SART3: variants seen among roughly 807,000 people sequenced by gnomAD.
SART3 encodes spliceosome associated factor 3, U4/U6 recycling protein.
SART3 carries 44 observed loss-of-function variants against 122.3 expected under a neutral mutation model. The ratio of observed to expected loss-of-function variants is 0.36; its 90% CI spans 0.28 to 0.46. The LOEUF (loss-of-function observed/expected upper bound fraction) is 0.46. SART3 is among the 20% of genes least tolerant of loss of function. SART3 has a pLI of 1.00. For synonymous variants in SART3, 442 were observed against 454.0 expected (o/e 0.97, Z 0.34); for missense variants, 1,101 against 1,229.0 (o/e 0.90, Z 1.56).
chr12:108,550,466 G>A (rs1221124456), intron 1 of SART3, among the ~76,000 whole-genome samples: 2 of 152,186 alleles, frequency 1.3e-5, no homozygotes, highest in Non-Finnish European at 2.9e-5. Flanking sequence ...CTTCATTCAA[G>A]TGGTAAAACA....
At chr12:108,540,065 G>A (rs1323640644) in intron 6 of SART3, among the ~76,000 whole-genome samples, 1 of 152,086 alleles carries the variant, frequency 6.6e-6, no homozygotes, top group Non-Finnish European at 1.5e-5. Context: ...TAGAAAAAAA[G>A]AGTCAAGAAG....
chr12:108,537,623 T>C, intron 8 of SART3, 28 bp from the exon 9 acceptor site: 1 of 1,566,212 alleles, frequency 6.4e-7, no homozygotes, highest in Non-Finnish European at 8.8e-7. Flanking sequence ...TCAGGATTTG[T>C]TACCAATTCA....
At chr12:108,536,417 C>G in intron 11 of SART3, 97 bp downstream of exon 11, 1 of 1,181,756 alleles carries the variant, frequency 8.5e-7, no homozygotes, top group Non-Finnish European at 1.3e-6. Flanking sequence ...AGAGCTTAGG[C>G]CATTATCTGG....
At chr12:108,543,478 T>C (rs1592767760) in intron 5 of SART3, among the ~76,000 whole-genome samples, 2 of 152,226 alleles carry the variant, frequency 1.3e-5, no homozygotes. Flanking sequence ...AGGTAGTCTA[T>C]TGTGATCCTC....
At chr12:108,532,624 C>T (rs552083620) in intron 12 of SART3, 19 of 381,842 alleles carry the variant, frequency 5.0e-5, no homozygotes, top group African/African-American at 1.7e-4. Flanking sequence ...TTCACATGTG[C>T]GGCACATGGC....
Position 108,543,000 on chromosome 12 carries a change from G to A in SART3, c.906+28C>T, listed in dbSNP as rs751322025. On this transcript the variant is annotated intron_variant, in intron 6 of 18. Coordinates refer to ENST00000546815, the MANE Select transcript of SART3 (RefSeq NM_014706.4). ...ATCAGGGAAAGGTTTGTAGAGAGACGTTTACTATAAAAGAAGCCAACACTT... is the reference window on the plus strand; with the variant it reads ...ATCAGGGAAAGGTTTGTAGAGAGACATTTACTATAAAAGAAGCCAACACTT... 4.5e-5 allele frequency: 72 copies of A among 1,613,930 alleles called. No homozygotes were observed. In the East Asian group the frequency reaches 1.3e-3, roughly 29 times the overall value.
At chr12:108,528,073 C>A (rs1310341168) in intron 15 of SART3, among the ~76,000 whole-genome samples, 5 of 152,256 alleles carry the variant, frequency 3.3e-5, no homozygotes, top group African/African-American at 1.2e-4. Context: ...CCACCAGAGA[C>A]AATTCTTTAC....
intron 17 of SART3, chr12:108,524,785 G>GA (rs1446560836): frequency 1.5e-5 from 8 of 516,484 alleles, no homozygotes; most frequent in Non-Finnish European, 2.8e-5. Context: ...AAGAAAGAAG[G>GA]AAAAAGACAG....
intron 14 of SART3, 34 bp downstream of exon 14, chr12:108,531,170 C>T (rs1803536357): frequency 6.3e-7 from 1 of 1,575,352 alleles, no homozygotes; most frequent in Admixed American, 1.7e-5. Context: ...AAATAGCTAC[C>T]AGAGGTGCCA....
chr12:108,530,104 A>T (rs753059240), intron 15 of SART3, 38 bp downstream of exon 15: 3 of 1,611,858 alleles, frequency 1.9e-6, no homozygotes, highest in Non-Finnish European at 2.5e-6. Flanking sequence ...CTCTAACTTT[A>T]AGACGTTTCA....
chr12:108,528,182 C>T (rs1017585266), intron 15 of SART3, among the ~76,000 whole-genome samples: 3 of 152,160 alleles, frequency 2.0e-5, no homozygotes, highest in African/African-American at 7.2e-5. Flanking sequence ...TAAGTCAGAA[C>T]CATTAAAAGC....
Position 108,543,016 on chromosome 12 carries a change from G to GC in SART3, c.906+11dup. The GC allele has an allele frequency of 6.2e-7, 1 of 1,614,184 alleles. No individual in the cohort carries two copies. Among genetic ancestry groups the GC allele is most frequent in the Non-Finnish European group, 8.5e-7 (1 of 1,180,022 alleles). ...TAGAGAGACGTTTACTATAAAAGAA[G>GC]CCAACACTTACCAGTGCTTCTTCAT... is the stretch of plus-strand genomic sequence containing the variant. On this transcript the variant is annotated intron_variant, in intron 6 of 18. Transcript: ENST00000546815.
chr12:108,553,710 A>G (rs1047534865), intron 1 of SART3, among the ~76,000 whole-genome samples: 12 of 152,258 alleles, frequency 7.9e-5, no homozygotes, highest in African/African-American at 2.7e-4. Context: ...AATCTTAACA[A>G]TGAAGTAGCC....
rs1034313792 is a variant in SART3, at chr12:108,551,178, G to A, written c.313-1964C>T. Among the ~76,000 whole-genome samples the A allele has an allele frequency of 5.3e-5, 8 of 152,174 alleles. No homozygotes were observed. The South Asian group carries it at 1.7e-3, about 32-fold the overall frequency. On this transcript the variant is annotated intron_variant, in intron 1 of 18. Transcript: ENST00000546815. ...ACATGCAAGCATTAATTAAAAAGTT[G>A]AAGCGGACATATTAATATCACATAA... is the stretch of plus-strand genomic sequence containing the variant.
chr12:108,547,845 A>G (rs1295229941), intron 3 of SART3, 42 bp downstream of exon 3: 2 of 1,402,298 alleles, frequency 1.4e-6, no homozygotes, highest in Non-Finnish European at 2.0e-6. Context: ...ACTGATATAT[A>G]TGACATTGCC....
chr12:108,526,472 G>C lies in SART3; in HGVS notation c.1997C>G (p.Pro666Arg), dbSNP rs748776048. The C allele has an allele frequency of 1.9e-6, 3 of 1,614,168 alleles. No homozygotes were observed. In the African/African-American group the frequency reaches 4.0e-5, roughly 22 times the overall value. ...ETQNVEVAAG[P>R]AGKCAAVDVE... ...ATCTACGGCAGCACATTTCCCAGCGGGCCCTGCTGCTACTTCTACATTTTG... is the reference window on the plus strand; with the variant it reads ...ATCTACGGCAGCACATTTCCCAGCGCGCCCTGCTGCTACTTCTACATTTTG... Residue 666 changes from proline to arginine, a missense_variant, in exon 16 of 19, where the codon CCC becomes CGC. Physicochemically the swap from Pro to Arg is moderately radical, Grantham distance 103. Around this residue, in one of 2 missense-constraint regions of SART3, gnomAD observed 885 missense variants for 1,080.1 expected, o/e 0.82. Transcript: ENST00000546815.
chr12:108,530,625 G>A (rs1263038857), intron 14 of SART3, among the ~76,000 whole-genome samples: 1 of 152,198 alleles, frequency 6.6e-6, no homozygotes, highest in Non-Finnish European at 1.5e-5. Context: ...GGGAGGCCGA[G>A]ATGGGTGGAT....
chr12:108,558,902 G>A (rs1013000142), intron 1 of SART3, among the ~76,000 whole-genome samples: 4 of 151,900 alleles, frequency 2.6e-5, no homozygotes, highest in Admixed American at 6.6e-5. Context: ...ACTTGGTGGC[G>A]GGCGCCTGTA....
chr12:108,557,568 G>A (rs1262675417), intron 1 of SART3, among the ~76,000 whole-genome samples: 1 of 152,164 alleles, frequency 6.6e-6, no homozygotes, highest in Non-Finnish European at 1.5e-5. Flanking sequence ...TGTGCCAGGC[G>A]CTTTACGCAC....
Sources: allele counts gnomAD v4.1 joint callset (sites outside exome capture counted in the v4.1 genomes callset), GRCh38; gene constraint gnomAD v4.1.1; regional missense constraint gnomAD v4.1.1; transcripts MANE v1.5; gene names NCBI Gene and HGNC (gene_info 2026-07-23, HGNC 2026-07-21).